GRID1: variants seen among roughly 807,000 people sequenced by gnomAD.
GRID1 encodes glutamate receptor ionotropic, delta-1.
In GRID1, 28 loss-of-function variants were observed where a neutral mutation model predicts 98.0. The observed-to-expected ratio is 0.29, with a 90% CI of 0.21 to 0.39. The LOEUF is 0.39. GRID1 is among the 10% of genes least tolerant of loss of function. GRID1 has a pLI of 1.00. For missense variants in GRID1, 1,111 were observed against 1,340.5 expected, an observed-to-expected ratio of 0.83 and a Z score of 2.67; for synonymous variants, 553 against 538.5, an observed-to-expected ratio of 1.03 and a Z score of -0.37.
At chr10:85,737,066 G>A (rs1471778153) in intron 8 of GRID1, among the ~76,000 whole-genome samples, 2 of 152,106 alleles carry the variant, frequency 1.3e-5, no homozygotes, top group African/African-American at 4.8e-5. Flanking sequence ...AAGAGGCTAG[G>A]ACCACTCTTG....
intron 4 of GRID1, among the ~76,000 whole-genome samples, chr10:86,082,462 TC>T (rs1468896146): frequency 6.6e-6 from 1 of 152,148 alleles, no homozygotes; most frequent in Non-Finnish European, 1.5e-5. Flanking sequence ...CAAGCATGCC[TC>T]CTTGGAAATT....
chr10:85,801,881 A>C (rs1364173926), intron 8 of GRID1, among the ~76,000 whole-genome samples: 1 of 152,034 alleles, frequency 6.6e-6, no homozygotes, highest in Non-Finnish European at 1.5e-5. Context: ...TATATAAAAC[A>C]AACAAAAATA....
At chr10:85,846,228 G>C (rs1330718982) in intron 8 of GRID1, among the ~76,000 whole-genome samples, 1 of 152,152 alleles carries the variant, frequency 6.6e-6, no homozygotes, top group Admixed American at 6.5e-5. Flanking sequence ...CATATAAAAA[G>C]TTTTTTAAAA....
chr10:85,840,320 C>A lies in GRID1; in HGVS notation c.1233+14176G>T, dbSNP rs186368929. 1.8e-3 allele frequency among the ~76,000 whole-genome samples: 271 copies of A among 151,784 alleles called. 2 individuals carry two copies. Among genetic ancestry groups the A allele is most frequent in the African/African-American group, 5.3e-3 (221 of 41,478 alleles). ...TACAACCAAATAAGAAAAGTTGAGA[C>A]CAATATCCTTGAACCTCAAAATAAT... On this transcript the variant is annotated intron_variant, in intron 8 of 15. Coordinates refer to ENST00000327946, the MANE Select transcript of GRID1 (RefSeq NM_017551.3).
chr10:86,046,402 C>T (rs563743600), intron 4 of GRID1, among the ~76,000 whole-genome samples: 8 of 152,290 alleles, frequency 5.3e-5, no homozygotes, highest in Non-Finnish European at 1.2e-4. Context: ...ACCACCAGCT[C>T]GCCCTTGAAT....
chr10:86,321,421 A>G (rs1847969048), intron 2 of GRID1, among the ~76,000 whole-genome samples: 1 of 152,198 alleles, frequency 6.6e-6, no homozygotes, highest in South Asian at 2.1e-4. Flanking sequence ...AAAAATCCAT[A>G]GCAGTGCTGA....
At chr10:86,213,614 C>A (rs1339601562) in intron 2 of GRID1, among the ~76,000 whole-genome samples, 2 of 152,070 alleles carry the variant, frequency 1.3e-5, no homozygotes, top group Non-Finnish European at 2.9e-5. Flanking sequence ...ATCATGTATA[C>A]CCTCTCTTTA....
rs192601327 is a variant in GRID1 at position 85,921,407 on chromosome 10, C to T, written c.727-5168G>A. ...CGAGAGCAACAGCCCCAATCTGAACCTCAGGTGCCTTTTCCCAGTGACACC... is the reference window on the plus strand; with the variant it reads ...CGAGAGCAACAGCCCCAATCTGAACTTCAGGTGCCTTTTCCCAGTGACACC... On this transcript the variant is annotated intron_variant, in intron 4 of 15. Coordinates refer to ENST00000327946, the MANE Select transcript of GRID1 (RefSeq NM_017551.3). 3.7e-4 allele frequency among the ~76,000 whole-genome samples: 57 copies of T among 152,312 alleles called. No individual in the cohort carries two copies. In the Middle Eastern group the frequency reaches 0.01, roughly 27 times the overall value.
At chr10:85,880,944 T>C (rs2131802904) in intron 5 of GRID1, among the ~76,000 whole-genome samples, 1 of 152,278 alleles carries the variant, frequency 6.6e-6, no homozygotes, top group Admixed American at 6.5e-5. Context: ...ACAAAATCAA[T>C]GTACAAAAAT....
chr10:86,178,665 C>T (rs1215133119), intron 3 of GRID1, among the ~76,000 whole-genome samples: 1 of 152,186 alleles, frequency 6.6e-6, no homozygotes, highest in Non-Finnish European at 1.5e-5. Flanking sequence ...AACTAAGCGA[C>T]TCCTCATTTC....
chr10:86,109,010 A>C (rs1844436056), intron 4 of GRID1, among the ~76,000 whole-genome samples: 1 of 152,058 alleles, frequency 6.6e-6, no homozygotes, highest in Non-Finnish European at 1.5e-5. Flanking sequence ...CCCAGCCTGC[A>C]CACCTCCCAC....
Position 85,689,950 on chromosome 10 carries a change from C to A in GRID1, c.1997+33053G>T, listed in dbSNP as rs370016136. ...TTTGTTGAAATATCTAGTGAAAGCACAATTCAACCAATCAAGAGTTAAACT... is the reference window on the plus strand; with the variant it reads ...TTTGTTGAAATATCTAGTGAAAGCAAAATTCAACCAATCAAGAGTTAAACT... On this transcript the variant is annotated intron_variant, in intron 12 of 15. Coordinates refer to ENST00000327946, the MANE Select transcript of GRID1 (RefSeq NM_017551.3). 3.3e-5 allele frequency among the ~76,000 whole-genome samples: 5 copies of A among 152,154 alleles called. No homozygotes were observed. The East Asian group carries it at 5.8e-4, about 18-fold the overall frequency.
chr10:85,744,345 C>G (rs1841977755), intron 8 of GRID1, among the ~76,000 whole-genome samples: 1 of 152,096 alleles, frequency 6.6e-6, no homozygotes, highest in African/African-American at 2.4e-5. Flanking sequence ...TGGTCAACAA[C>G]TGATAAGCTT....
intron 5 of GRID1, among the ~76,000 whole-genome samples, chr10:85,879,678 C>T (rs1244364134): frequency 9.9e-5 from 15 of 151,730 alleles, no homozygotes; most frequent in African/African-American, 3.4e-4. Context: ...AGGAAAGATC[C>T]AAAATTGACA....
chr10:86,067,277 C>T (rs1843735608), intron 4 of GRID1, among the ~76,000 whole-genome samples: 3 of 152,174 alleles, frequency 2.0e-5, no homozygotes, highest in South Asian at 4.1e-4. Context: ...GGAGGGTTGG[C>T]CAATTAAACC....
chr10:86,211,279 T>C (rs965949264), intron 2 of GRID1, among the ~76,000 whole-genome samples: 4 of 152,216 alleles, frequency 2.6e-5, no homozygotes, highest in Admixed American at 2.0e-4. Flanking sequence ...GCCTCCATAT[T>C]ATATGGTCAC....
At chr10:85,964,353 A>G (rs1037427449) in intron 4 of GRID1, among the ~76,000 whole-genome samples, 2 of 152,342 alleles carry the variant, frequency 1.3e-5, no homozygotes, top group East Asian at 3.9e-4. Context: ...AGCAAAAAGA[A>G]CAAAGCTAGA....
intron 4 of GRID1, among the ~76,000 whole-genome samples, chr10:85,967,428 G>A (rs919386764): frequency 6.6e-6 from 1 of 152,148 alleles, no homozygotes; most frequent in African/African-American, 2.4e-5. Context: ...ATTATCTAAA[G>A]TGTTCAGTTT....
chr10:85,878,051 G>C (rs556229026), intron 5 of GRID1, among the ~76,000 whole-genome samples: 3 of 152,174 alleles, frequency 2.0e-5, no homozygotes, highest in Admixed American at 6.5e-5. Context: ...GAAATGAAGC[G>C]AGAAGAGGAG....
Sources: gnomAD v4.1 joint callset for allele counts (sites outside exome capture counted in the v4.1 genomes callset) on GRCh38, gnomAD v4.1.1 for gene constraint, MANE v1.5 for transcripts, NCBI Gene and HGNC (gene_info 2026-07-23, HGNC 2026-07-21) for gene names.